STK32B: variants seen among roughly 807,000 people sequenced by gnomAD.
The protein encoded by STK32B is serine/threonine-protein kinase 32B.
Under a neutral mutation model 52.6 loss-of-function variants are expected in STK32B, and 43 were observed. That is an observed-to-expected ratio of 0.82 (90% CI 0.64 to 1.05). The LOEUF (loss-of-function observed/expected upper bound fraction) is 1.05. Among genes scored for constraint, STK32B ranks in the 50% least tolerant of loss-of-function variants. The pLI, the probability that STK32B is intolerant of heterozygous loss-of-function variation, is 0.00. For missense variants in STK32B, 621 were observed against 534.6 expected, an observed-to-expected ratio of 1.16 and a Z score of -1.59; for synonymous variants, 238 against 204.3, an observed-to-expected ratio of 1.17 and a Z score of -1.41.
intron 3 of STK32B, among the ~76,000 whole-genome samples, chr4:5,216,814 T>G (rs1003810360): frequency 6.6e-5 from 10 of 152,098 alleles, no homozygotes; most frequent in African/African-American, 1.9e-4. Flanking sequence ...CCAGGTGTGG[T>G]GGGTGTGATA....
intron 1 of STK32B, among the ~76,000 whole-genome samples, chr4:5,065,573 C>G (rs1381079998): frequency 1.3e-5 from 2 of 152,168 alleles, no homozygotes; most frequent in African/African-American, 4.8e-5. Flanking sequence ...CTTGCAGTGT[C>G]TCGCCTGTGC....
intron 1 of STK32B, among the ~76,000 whole-genome samples, chr4:5,129,095 G>A (rs912297306): frequency 1.1e-4 from 16 of 152,188 alleles, no homozygotes; most frequent in African/African-American, 3.9e-4. Context: ...ATAAGTTATG[G>A]GGAAGGCAAG....
At chr4:5,109,302 G>C (rs1714267463) in intron 1 of STK32B, among the ~76,000 whole-genome samples, 1 of 152,200 alleles carries the variant, frequency 6.6e-6, no homozygotes, top group African/African-American at 2.4e-5. Flanking sequence ...ATTCATTCAT[G>C]TATTCATCCA....
At chr4:5,389,733 C>A (rs1460874873) in intron 4 of STK32B, among the ~76,000 whole-genome samples, 3 of 150,904 alleles carry the variant, frequency 2.0e-5, no homozygotes, top group Non-Finnish European at 4.4e-5. Context: ...AAATGCCCCC[C>A]CCAAAGATGC....
At chr4:5,381,419 A>T (rs948939126) in intron 4 of STK32B, among the ~76,000 whole-genome samples, 1 of 152,204 alleles carries the variant, frequency 6.6e-6, no homozygotes, top group Non-Finnish European at 1.5e-5. Flanking sequence ...TCAGCTGAGC[A>T]CCAACCAAGA....
rs1165796102 is a variant in STK32B at position 5,313,476 on chromosome 4, CTTACTT to C, written c.261-17743_261-17738del. On this transcript the variant is annotated intron_variant, in intron 3 of 11. Coordinates refer to ENST00000282908, the MANE Select transcript of STK32B (RefSeq NM_018401.3). The stretch of plus-strand genomic sequence containing the variant: ...GGTAAGGATTTTTGCTTTTACTACT[CTTACTT>C]AGTAAACTGCTGGAAGTTCTAGCAA... Among the ~76,000 whole-genome samples the C allele has an allele frequency of 4.6e-5, 7 of 152,038 alleles. No homozygotes were observed. In the East Asian group the frequency reaches 1.3e-3, roughly 29 times the overall value.
At chr4:5,360,922 C>T (rs1333310314) in intron 4 of STK32B, among the ~76,000 whole-genome samples, 1 of 152,222 alleles carries the variant, frequency 6.6e-6, no homozygotes, top group Non-Finnish European at 1.5e-5. Flanking sequence ...TGCTGTGCAA[C>T]CAATCTCCAG....
rs554406173 is a variant in STK32B at position 5,272,926 on chromosome 4, C to T, written c.261-58294C>T. On this transcript the variant is annotated intron_variant, in intron 3 of 11. Transcript: ENST00000282908. ...TAGGCATTACCATTCAGGACATAGGCATGGGCAAGGACTTCATGTCCAACA... is the reference window on the plus strand; with the variant it reads ...TAGGCATTACCATTCAGGACATAGGTATGGGCAAGGACTTCATGTCCAACA... Among the ~76,000 whole-genome samples, 140 of 147,106 alleles carry T rather than the reference C, an allele frequency of 9.5e-4. 1 individual carries two copies. The highest frequency in any genetic ancestry group is 3.4e-3 in the African/African-American group (134 of 39,294).
intron 11 of STK32B, among the ~76,000 whole-genome samples, chr4:5,489,829 G>T (rs189814995): frequency 3.4e-4 from 51 of 152,070 alleles, no homozygotes; most frequent in African/African-American, 1.2e-3. Context: ...CTCATTTATT[G>T]AAATCAATCA....
At chr4:5,487,167 T>C (rs944317430) in intron 11 of STK32B, among the ~76,000 whole-genome samples, 1 of 152,184 alleles carries the variant, frequency 6.6e-6, no homozygotes, top group African/African-American at 2.4e-5. Flanking sequence ...CTGTCCCATG[T>C]TGCAGGGAAG....
chr4:5,162,604 AATG>A (rs1174103652), intron 2 of STK32B, among the ~76,000 whole-genome samples: 1 of 152,242 alleles, frequency 6.6e-6, no homozygotes, highest in Non-Finnish European at 1.5e-5. Context: ...TGTAATTAAT[AATG>A]ATGACATCAG....
At chr4:5,070,513 TG>T (rs1711700522) in intron 1 of STK32B, among the ~76,000 whole-genome samples, 2 of 152,140 alleles carry the variant, frequency 1.3e-5, no homozygotes, top group South Asian at 4.2e-4. Flanking sequence ...TAGGTTGAAT[TG>T]TGTCTTCCAA....
At chr4:5,086,716 C>T (rs2108779617) in intron 1 of STK32B, among the ~76,000 whole-genome samples, 1 of 152,002 alleles carries the variant, frequency 6.6e-6, no homozygotes, top group South Asian at 2.1e-4. Context: ...GGAGAAGTGA[C>T]TCATCAGGTG....
intron 1 of STK32B, among the ~76,000 whole-genome samples, chr4:5,072,111 G>C (rs1711821683): frequency 6.6e-6 from 1 of 152,106 alleles, no homozygotes. Context: ...GAAACCTATA[G>C]GGCAGAGGTT....
At chr4:5,072,333 C>G (rs1365103431) in intron 1 of STK32B, among the ~76,000 whole-genome samples, 1 of 152,152 alleles carries the variant, frequency 6.6e-6, no homozygotes, top group South Asian at 2.1e-4. Context: ...TCCTGCTTCT[C>G]TTCCTATCCC....
chr4:5,447,861 C>T (rs1577518585), intron 7 of STK32B, among the ~76,000 whole-genome samples: 2 of 152,318 alleles, frequency 1.3e-5, no homozygotes, highest in South Asian at 4.1e-4. Context: ...ATCTCCATAG[C>T]ACCAGTGCCC....
At chr4:5,276,288 CA>C (rs1036032127) in intron 3 of STK32B, among the ~76,000 whole-genome samples, 1 of 150,640 alleles carries the variant, frequency 6.6e-6, no homozygotes, top group East Asian at 2.0e-4. Flanking sequence ...GACTCCATCT[CA>C]AAAAAAGAAA....
chr4:5,028,417 T>C, the STK32B span, among the ~76,000 whole-genome samples: 1 of 152,246 alleles, frequency 6.6e-6, no homozygotes, highest in African/African-American at 2.4e-5. Flanking sequence ...GGATTGAGTT[T>C]CCCTGTCCCC....
At chr4:5,397,317 C>G (rs1364914139) in intron 4 of STK32B, among the ~76,000 whole-genome samples, 2 of 152,214 alleles carry the variant, frequency 1.3e-5, no homozygotes, top group Admixed American at 1.3e-4. Flanking sequence ...TTGTTCTTCT[C>G]TCACTTTCAT....
Sources: gnomAD v4.1 joint callset for allele counts (sites outside exome capture counted in the v4.1 genomes callset) on GRCh38, gnomAD v4.1.1 for gene constraint, MANE v1.5 for transcripts, NCBI Gene and HGNC (gene_info 2026-07-23, HGNC 2026-07-21) for gene names.